Variants in GNA13 observed in about 807,000 individuals in gnomAD.
GNA13 encodes the protein G protein subunit alpha 13, also known as guanine nucleotide-binding protein subunit alpha-13.
In GNA13, 4 loss-of-function variants were observed where a neutral mutation model predicts 33.5. The observed-to-expected ratio is 0.12, with a 90% CI of 0.06 to 0.27. The LOEUF (loss-of-function observed/expected upper bound fraction) is 0.27, where lower values mean the gene tolerates loss of function less well. Among genes scored for constraint, GNA13 ranks in the 10% least tolerant of loss-of-function variants. GNA13 has a pLI of 1.00. For synonymous variants in GNA13, 176 were observed against 183.8 expected, an observed-to-expected ratio of 0.96 and a Z score of 0.34; for missense variants, 319 against 487.2, an observed-to-expected ratio of 0.65 and a Z score of 3.25.
chr17:65,044,592 G>C (rs1288550179), intron 2 of GNA13, among the ~76,000 whole-genome samples: 1 of 149,478 alleles, frequency 6.7e-6, no homozygotes, highest in Non-Finnish European at 1.5e-5. Flanking sequence ...ATCGAACCCA[G>C]GAATTCAAGA....
chr17:65,045,522 A>AC (rs1017293237), intron 2 of GNA13, among the ~76,000 whole-genome samples: 65 of 151,430 alleles, frequency 4.3e-4, no homozygotes, highest in Non-Finnish European at 6.8e-4. Context: ...AAAAAAAAAA[A>AC]AAAAAACCAA....
At chr17:65,041,269 C>T (rs1422095336) in intron 2 of GNA13, among the ~76,000 whole-genome samples, 1 of 152,096 alleles carries the variant, frequency 6.6e-6, no homozygotes, top group Non-Finnish European at 1.5e-5. Flanking sequence ...AATATAGCTG[C>T]CTTGGCTCAA....
intron 2 of GNA13, among the ~76,000 whole-genome samples, chr17:65,030,322 C>A (rs1906955669): frequency 6.6e-6 from 1 of 152,166 alleles, no homozygotes. Flanking sequence ...ATTAACTACT[C>A]CAAGACTAGA....
At chr17:65,051,680 C>T (rs1907863751) in intron 2 of GNA13, among the ~76,000 whole-genome samples, 1 of 152,134 alleles carries the variant, frequency 6.6e-6, no homozygotes, top group Non-Finnish European at 1.5e-5. Context: ...AGAACTCATG[C>T]AAGCAAATCT....
intron 2 of GNA13, among the ~76,000 whole-genome samples, chr17:65,037,800 A>AAAAAAAAAAAAAAAACAC (rs1907310144): frequency 6.8e-6 from 1 of 147,984 alleles, no homozygotes; most frequent in Non-Finnish European, 1.5e-5. Context: ...AAAAAAAAAA[A>AAAAAAAAAAAAAAAACAC]GACAAAAAGA....
chr17:65,034,549 C>T (rs920797661), intron 2 of GNA13, among the ~76,000 whole-genome samples: 6 of 152,170 alleles, frequency 3.9e-5, no homozygotes, highest in East Asian at 3.9e-4. Flanking sequence ...CCACCTGCCT[C>T]GGCCTCCCAA....
At chr17:65,043,622 A>G (rs1246695158) in intron 2 of GNA13, among the ~76,000 whole-genome samples, 1 of 152,166 alleles carries the variant, frequency 6.6e-6, no homozygotes, top group Non-Finnish European at 1.5e-5. Flanking sequence ...TGGAAGATAA[A>G]AGCTTTTAAA....
chr17:65,043,938 A>G (rs1159778437), intron 2 of GNA13, among the ~76,000 whole-genome samples: 1 of 152,116 alleles, frequency 6.6e-6, no homozygotes, highest in African/African-American at 2.4e-5. Context: ...CCTGGTCAAC[A>G]CAGTGAGACC....
chr17:65,011,143 T>G lies in GNA13; in HGVS notation c.*3114A>C. On this transcript the variant is annotated 3_prime_UTR_variant, in exon 4 of 4. Transcript: ENST00000439174. ...AAAAAATGATAAGGACATATGGTAT[T>G]TGTTGAATCTAAATCAGCACTTCTA... 4.8e-6 allele frequency: 1 copy of G among 206,528 alleles called. No homozygotes were observed. Among genetic ancestry groups the G allele is most frequent in the East Asian group, 7.4e-5 (1 of 13,558 alleles). The allele number at this position is 206,528 out of a possible 1,614,324, so 12.8% of individuals were successfully genotyped here.
chr17:65,056,249 G>GCCCCCCCCCCCC, intron 1 of GNA13, 62 bp downstream of exon 1: 22 of 774,810 alleles, frequency 2.8e-5, no homozygotes, highest in East Asian at 8.4e-5. Flanking sequence ...GCCCCGCCCC[G>GCCCCCCCCCCCC]CACCCGCCGC....
Position 65,020,251 on chromosome 17 carries a change from ATTAATG to A in GNA13, c.511-1954_511-1949del, listed in dbSNP as rs1451939775. Among the ~76,000 whole-genome samples, 3 of 152,214 alleles carry A rather than the reference ATTAATG, an allele frequency of 2.0e-5. No individual in the cohort carries two copies. In the East Asian group the frequency reaches 5.8e-4, roughly 29 times the overall value. Reference sequence around the variant, plus strand: ...GATCAAAGTCTTCTTGTTTTCTAATATTAATGTTAAGGAACAGATGTGAATTTCAGT... The same window carrying A: ...GATCAAAGTCTTCTTGTTTTCTAATATTAAGGAACAGATGTGAATTTCAGT... On this transcript the variant is annotated intron_variant, in intron 2 of 3. Coordinates refer to ENST00000439174, the MANE Select transcript of GNA13 (RefSeq NM_006572.6).
At position 65,018,134 on chromosome 17, in the gene GNA13, A is replaced by ATG; in HGVS notation, c.561+118_561+119insCA. 2.0e-5 allele frequency: 2 copies of ATG among 101,696 alleles called. 1 individual carries two copies. The highest frequency in any genetic ancestry group is 4.5e-5 in the Non-Finnish European group (2 of 44,524). 6.3% of individuals were successfully genotyped at this position (101,696 alleles called of 1,614,324 possible). On this transcript the variant is annotated intron_variant, in intron 3 of 3. Transcript: ENST00000439174. ...AAAAAAAAAAAAAAAAAAAAAAAAA[A>ATG]AAAAAGAGAGAAAGAAGCAAATAGC...
intron 2 of GNA13, among the ~76,000 whole-genome samples, chr17:65,022,501 A>T (rs1180912979): frequency 6.6e-6 from 1 of 152,222 alleles, no homozygotes; most frequent in Non-Finnish European, 1.5e-5. Context: ...TAATTTTGCT[A>T]TCAAATTCCA....
At chr17:65,024,279 G>A (rs1057222420) in intron 2 of GNA13, among the ~76,000 whole-genome samples, 6 of 152,108 alleles carry the variant, frequency 3.9e-5, no homozygotes, top group Admixed American at 3.9e-4. Context: ...TGCTCATTTG[G>A]TAGTATCTGT....
chr17:65,056,173 C>A, intron 1 of GNA13, 138 bp downstream of exon 1: 5 of 611,932 alleles, frequency 8.2e-6, no homozygotes, highest in Non-Finnish European at 1.2e-5. Flanking sequence ...CCGGGGCGCG[C>A]CCCCTTCCCG....
rs956378394 is a variant in GNA13, at chr17:65,047,833, T to TA, written c.510+5668dup. Among the ~76,000 whole-genome samples, 9 of 151,982 alleles carry TA rather than the reference T, an allele frequency of 5.9e-5. No homozygotes were observed. In the South Asian group the frequency reaches 6.2e-4, roughly 11 times the overall value. On this transcript the variant is annotated intron_variant, in intron 2 of 3. Transcript: ENST00000439174. ...ACATGCTGCAGTGCAAATAAATAAA[T>TA]AAAAAAAATTAGCTGAAACTGAAGT...
At chr17:65,031,913 AGAGAGAGAGTGTGTGTGTGTGTGTGT>A (rs1907047387) in intron 2 of GNA13, among the ~76,000 whole-genome samples, 1 of 134,324 alleles carries the variant, frequency 7.4e-6, no homozygotes. Context: ...AGAGAGAGAG[AGAGAGAGAGTGTGTGTGTGTGTGTGT>A]GTGTGTGTGT....
rs552354611 is a variant in GNA13 at position 65,039,230 on chromosome 17, T to C, written c.510+14272A>G. 3.3e-5 allele frequency among the ~76,000 whole-genome samples: 5 copies of C among 152,336 alleles called. No individual in the cohort carries two copies. In the South Asian group the frequency reaches 1.0e-3, roughly 32 times the overall value. ...CAAAGTATATCCTGAATCCATTTTC[T>C]TCTCTTATCTCTACAGCCACCAACT... On this transcript the variant is annotated intron_variant, in intron 2 of 3. Coordinates refer to ENST00000439174, the MANE Select transcript of GNA13 (RefSeq NM_006572.6).
intron 3 of GNA13, among the ~76,000 whole-genome samples, chr17:65,017,804 CTA>C: frequency 6.6e-6 from 1 of 152,190 alleles, no homozygotes; most frequent in East Asian, 1.9e-4. Flanking sequence ...CCACTGTGTT[CTA>C]TTTCTGTTTA....
Sources: gnomAD v4.1 joint callset for allele counts (sites outside exome capture counted in the v4.1 genomes callset) on GRCh38, gnomAD v4.1.1 for gene constraint, MANE v1.5 for transcripts, NCBI Gene and HGNC (gene_info 2026-07-23, HGNC 2026-07-21) for gene names.